The following ZNF407 variants were observed in gnomAD, a reference collection of about 807,000 sequenced individuals.
The protein encoded by ZNF407 is zinc finger protein 407.
Under a neutral mutation model 131.2 loss-of-function variants are expected in ZNF407, and 17 were observed. The ratio of observed to expected loss-of-function variants is 0.13; its 90% CI spans 0.09 to 0.19. The LOEUF is 0.19. ZNF407 is among the 10% of genes least tolerant of loss of function. ZNF407 has a pLI of 1.00. For missense variants in ZNF407, 2,681 were observed against 2,830.6 expected (o/e 0.95, Z 1.20); for synonymous variants, 1,156 against 1,062.0 (o/e 1.09, Z -1.72).
chr18:75,038,488 A>G (rs1392650493), intron 8 of ZNF407, among the ~76,000 whole-genome samples: 3 of 152,226 alleles, frequency 2.0e-5, no homozygotes, highest in Admixed American at 2.0e-4. Context: ...CAAAGTGTAC[A>G]CCTGACATTG....
intron 3 of ZNF407, among the ~76,000 whole-genome samples, chr18:74,776,422 T>G (rs946078724): frequency 3.9e-5 from 6 of 152,358 alleles, no homozygotes; most frequent in Non-Finnish European, 8.8e-5. Context: ...AGTAGATGTT[T>G]TCTATGACAG....
At chr18:74,607,360 G>T (rs891033203) in intron 1 of ZNF407, among the ~76,000 whole-genome samples, 1 of 152,144 alleles carries the variant, frequency 6.6e-6, no homozygotes, top group African/African-American at 2.4e-5. Context: ...CCGCTTGTAA[G>T]AGGAGATTAA....
chr18:74,910,682 ATTC>A (rs1971657745), intron 7 of ZNF407, among the ~76,000 whole-genome samples: 1 of 152,162 alleles, frequency 6.6e-6, no homozygotes, highest in African/African-American at 2.4e-5. Flanking sequence ...CGCCACTTTC[ATTC>A]TTAATACCAC....
chr18:74,902,190 C>T (rs373289897), intron 7 of ZNF407, among the ~76,000 whole-genome samples: 8 of 152,104 alleles, frequency 5.3e-5, no homozygotes, highest in Non-Finnish European at 1.0e-4. Context: ...TGCTTTAACC[C>T]GTCCCCACTG....
intron 8 of ZNF407, 93 bp downstream of exon 8, chr18:74,920,785 G>T (rs1160107687): frequency 1.4e-6 from 2 of 1,430,410 alleles, no homozygotes; most frequent in African/African-American, 2.8e-5. Flanking sequence ...ATGATTTATT[G>T]TAATGGAGTA....
intron 8 of ZNF407, among the ~76,000 whole-genome samples, chr18:74,980,902 A>G (rs1036897629): frequency 6.6e-6 from 1 of 152,118 alleles, no homozygotes. Context: ...TCAGCCCCAG[A>G]CACACTGGGG....
chr18:75,052,696 G>C (rs890260747), intron 8 of ZNF407, among the ~76,000 whole-genome samples: 1 of 152,206 alleles, frequency 6.6e-6, no homozygotes, highest in East Asian at 1.9e-4. Flanking sequence ...CCTGAGTTTG[G>C]ATTACACATA....
At chr18:74,742,569 T>A (rs1211615689) in intron 3 of ZNF407, among the ~76,000 whole-genome samples, 1 of 152,218 alleles carries the variant, frequency 6.6e-6, no homozygotes, top group Non-Finnish European at 1.5e-5. Context: ...CCTTTAAAGT[T>A]TTTTATGTAA....
intron 4 of ZNF407, among the ~76,000 whole-genome samples, chr18:74,863,627 T>C (rs564386823): frequency 6.6e-6 from 1 of 152,318 alleles, no homozygotes; most frequent in East Asian, 1.9e-4. Flanking sequence ...TTTATATTGC[T>C]ACTATCTTTT....
intron 8 of ZNF407, among the ~76,000 whole-genome samples, chr18:74,990,831 A>C (rs187627147): frequency 9.2e-5 from 14 of 152,312 alleles, no homozygotes; most frequent in African/African-American, 3.4e-4. Context: ...GATGAACTGC[A>C]ATCTGTTCTT....
At chr18:74,617,370 T>A (rs1234085492) in intron 1 of ZNF407, among the ~76,000 whole-genome samples, 1 of 152,356 alleles carries the variant, frequency 6.6e-6, no homozygotes, top group South Asian at 2.1e-4. Flanking sequence ...TAAAATGTCC[T>A]CAATAGCATT....
At chr18:74,672,144 A>C (rs964074301) in intron 3 of ZNF407, among the ~76,000 whole-genome samples, 2 of 152,134 alleles carry the variant, frequency 1.3e-5, no homozygotes, top group Non-Finnish European at 2.9e-5. Flanking sequence ...TGCTTTCCAC[A>C]ATGGTTGAAC....
intron 8 of ZNF407, among the ~76,000 whole-genome samples, chr18:74,991,243 C>T (rs1331982412): frequency 6.6e-6 from 1 of 152,166 alleles, no homozygotes; most frequent in Non-Finnish European, 1.5e-5. Context: ...GTAGAAGGGA[C>T]TCCTGTAGAA....
intron 4 of ZNF407, among the ~76,000 whole-genome samples, chr18:74,853,788 TTTTCCAAGTC>T (rs1426854187): frequency 1.1e-4 from 16 of 152,134 alleles, no homozygotes; most frequent in Non-Finnish European, 5.9e-5. Context: ...AAGGAGACAG[TTTTCCAAGTC>T]TGACAAGCAG....
intron 4 of ZNF407, among the ~76,000 whole-genome samples, chr18:74,807,291 A>G (rs945450141): frequency 1.1e-4 from 17 of 152,192 alleles, no homozygotes; most frequent in African/African-American, 3.6e-4. Context: ...AGGAACTGAA[A>G]GTGTTGGGCT....
intron 3 of ZNF407, among the ~76,000 whole-genome samples, chr18:74,734,901 G>C (rs1215658674): frequency 6.6e-6 from 1 of 151,994 alleles, no homozygotes; most frequent in Non-Finnish European, 1.5e-5. Context: ...TCTAGCATAG[G>C]AATGATCTCT....
chr18:74,700,384 T>C (rs533095582), intron 3 of ZNF407, among the ~76,000 whole-genome samples: 3 of 152,348 alleles, frequency 2.0e-5, no homozygotes, highest in East Asian at 3.9e-4. Flanking sequence ...TTTACTGCTT[T>C]CTAATAAGAT....
intron 4 of ZNF407, among the ~76,000 whole-genome samples, chr18:74,836,996 G>C (rs558523049): frequency 2.5e-4 from 38 of 152,264 alleles, no homozygotes; most frequent in African/African-American, 8.2e-4. Context: ...ACTGCAGAAG[G>C]CTGTCCCACA....
At chr18:74,947,890 T>C (rs1972171316) in intron 8 of ZNF407, among the ~76,000 whole-genome samples, 1 of 152,204 alleles carries the variant, frequency 6.6e-6, no homozygotes, top group African/African-American at 2.4e-5. Flanking sequence ...ACCTCTCAGC[T>C]CCCTCTCCTT....
Sources: gnomAD v4.1 joint callset for allele counts (sites outside exome capture counted in the v4.1 genomes callset) on GRCh38, gnomAD v4.1.1 for gene constraint, MANE v1.5 for transcripts, NCBI Gene and HGNC (gene_info 2026-07-23, HGNC 2026-07-21) for gene names.